MSRA: variants seen among roughly 807,000 people sequenced by gnomAD.
MSRA encodes mitochondrial peptide methionine sulfoxide reductase.
A neutral mutation model predicts 31.3 loss-of-function variants in MSRA; 54 were observed. The observed-to-expected ratio is 1.73, with a 90% CI of 1.39 to 2.17. The LOEUF (loss-of-function observed/expected upper bound fraction) is 2.17, where lower values mean the gene tolerates loss of function less well. Ranked by LOEUF, MSRA falls within the 30% of genes most tolerant of loss-of-function variation. The pLI is 0.00. For synonymous variants in MSRA, 169 were observed against 116.5 expected, an observed-to-expected ratio of 1.45 and a Z score of -2.90; for missense variants, 507 against 300.9, an observed-to-expected ratio of 1.69 and a Z score of -5.07.
chr8:10,207,815 C>A lies in MSRA; in HGVS notation c.143-18C>A. The A allele has an allele frequency of 7.7e-7, 1 of 1,301,682 alleles. No homozygotes were observed. 80.6% of individuals were successfully genotyped at this position (1,301,682 alleles called of 1,614,324 possible). A position where few individuals can be genotyped will look rare whatever the true frequency, so the allele number is the denominator to read the frequency against. Reference sequence around the variant, plus strand: ...GAACTTTACACTTAAACTTGCATTTCTTTTTTTTTTTTTCTAGCCAAACAT... The same window carrying A: ...GAACTTTACACTTAAACTTGCATTTATTTTTTTTTTTTTCTAGCCAAACAT... On this transcript the variant is annotated intron_variant, in intron 1 of 5. Transcript: ENST00000317173.
intron 1 of MSRA, among the ~76,000 whole-genome samples, chr8:10,124,875 A>C (rs1252433921): frequency 1.3e-5 from 2 of 152,352 alleles, no homozygotes; most frequent in East Asian, 3.9e-4. Context: ...TTAAAAATAA[A>C]GCTATTGGTT....
intron 2 of MSRA, among the ~76,000 whole-genome samples, chr8:10,209,452 G>A (rs937901943): frequency 2.0e-5 from 3 of 152,226 alleles, no homozygotes; most frequent in Non-Finnish European, 4.4e-5. Flanking sequence ...TACCAGATGG[G>A]CTGATGACAT....
At chr8:10,078,733 G>A (rs1798126595) in intron 1 of MSRA, among the ~76,000 whole-genome samples, 1 of 152,240 alleles carries the variant, frequency 6.6e-6, no homozygotes, top group Non-Finnish European at 1.5e-5. Flanking sequence ...CCCTTCCCAT[G>A]GCTTCAGTCT....
chr8:10,368,391 T>C (rs1202621741), intron 5 of MSRA, among the ~76,000 whole-genome samples: 1 of 152,252 alleles, frequency 6.6e-6, no homozygotes, highest in Non-Finnish European at 1.5e-5. Flanking sequence ...ATCATTTGAT[T>C]TGCTAAAAGA....
chr8:10,407,880 A>C (rs954162800), intron 5 of MSRA, among the ~76,000 whole-genome samples: 3 of 152,190 alleles, frequency 2.0e-5, no homozygotes, highest in African/African-American at 7.2e-5. Context: ...AAACCTGATA[A>C]AGTATCAATT....
intron 1 of MSRA, among the ~76,000 whole-genome samples, chr8:10,174,533 C>T (rs1008380131): frequency 1.3e-5 from 2 of 152,134 alleles, no homozygotes; most frequent in Non-Finnish European, 2.9e-5. Flanking sequence ...GCTCACCTCC[C>T]CTCTGTGAGC....
intron 5 of MSRA, among the ~76,000 whole-genome samples, chr8:10,376,497 G>A (rs1252363721): frequency 6.6e-6 from 1 of 152,196 alleles, no homozygotes; most frequent in Non-Finnish European, 1.5e-5. Context: ...CCTTGCCTCA[G>A]TTTCCCAATC....
chr8:10,350,646 C>T (rs980260538), intron 5 of MSRA, among the ~76,000 whole-genome samples: 2 of 152,350 alleles, frequency 1.3e-5, no homozygotes, highest in Admixed American at 1.3e-4. Flanking sequence ...TCAGCTTTGC[C>T]GGGCTTCAGG....
At chr8:10,171,973 G>C (rs1194642790) in intron 1 of MSRA, among the ~76,000 whole-genome samples, 1 of 152,192 alleles carries the variant, frequency 6.6e-6, no homozygotes, top group Non-Finnish European at 1.5e-5. Flanking sequence ...TGGAACCAGA[G>C]GAACTTAGGT....
chr8:10,114,288 C>A (rs550089086), intron 1 of MSRA, among the ~76,000 whole-genome samples: 86 of 152,250 alleles, frequency 5.6e-4, no homozygotes, highest in South Asian at 4.6e-3. Flanking sequence ...AATAATGTTG[C>A]TGTGAACATT....
At chr8:10,338,042 GA>G (rs1289507538) in intron 5 of MSRA, among the ~76,000 whole-genome samples, 4 of 152,082 alleles carry the variant, frequency 2.6e-5, no homozygotes, top group East Asian at 1.9e-4. Context: ...AGCAGCCAAA[GA>G]AAAAAATATC....
intron 5 of MSRA, among the ~76,000 whole-genome samples, chr8:10,321,827 A>G (rs1802059823): frequency 6.6e-6 from 1 of 152,182 alleles, no homozygotes; most frequent in Admixed American, 6.5e-5. Context: ...AAGCCTTCAG[A>G]TGAGACTGCA....
At position 10,405,756 on chromosome 8, in the gene MSRA, T is replaced by A. The variant is rs575870993; in HGVS notation, c.544-22392T>A. Among the ~76,000 whole-genome samples, 76 of 49,624 alleles carry A rather than the reference T, an allele frequency of 1.5e-3. 1 individual carries two copies. Among genetic ancestry groups the A allele is most frequent in the African/African-American group, 3.1e-3 (72 of 23,530 alleles). The allele number at this position is 49,624 out of a possible 152,430, so 32.6% of individuals were successfully genotyped here. Reference sequence around the variant, plus strand: ...ACACACGTGTGTTCACACACACCCATGTGCTCACACACACCTATGTGCTCA... The same window carrying A: ...ACACACGTGTGTTCACACACACCCAAGTGCTCACACACACCTATGTGCTCA... On this transcript the variant is annotated intron_variant, in intron 5 of 5. Coordinates refer to ENST00000317173, the MANE Select transcript of MSRA (RefSeq NM_012331.5).
rs145008944 is a variant in MSRA at position 10,290,294 on chromosome 8, C to A, written c.332-11240C>A. Among the ~76,000 whole-genome samples, 385 of 152,286 alleles carry A rather than the reference C, an allele frequency of 2.5e-3. 1 individual carries two copies. The highest frequency in any genetic ancestry group is 8.6e-3 in the African/African-American group (358 of 41,554). ...AGGCATGGATTTCTAGCAATTAGGA[C>A]ATCCCAATAGTGGCATGAACTACTT... On this transcript the variant is annotated intron_variant, in intron 3 of 5. Coordinates refer to ENST00000317173, the MANE Select transcript of MSRA (RefSeq NM_012331.5).
chr8:10,150,696 T>C (rs1459863376), intron 1 of MSRA, among the ~76,000 whole-genome samples: 9 of 152,188 alleles, frequency 5.9e-5, no homozygotes, highest in Non-Finnish European at 7.3e-5. Flanking sequence ...ATTTGACTTA[T>C]ATGAAAACAG....
chr8:10,093,490 CAT>C (rs898417532), intron 1 of MSRA, among the ~76,000 whole-genome samples: 16 of 152,132 alleles, frequency 1.1e-4, no homozygotes, highest in African/African-American at 3.6e-4. Context: ...CTTATTGTCA[CAT>C]GTTACCTCTT....
chr8:10,261,254 A>G (rs1798465779), intron 3 of MSRA, among the ~76,000 whole-genome samples: 1 of 152,142 alleles, frequency 6.6e-6, no homozygotes, highest in Admixed American at 6.5e-5. Context: ...TAGTATATAC[A>G]TTTGTGTTAA....
intron 5 of MSRA, among the ~76,000 whole-genome samples, chr8:10,417,417 A>AGACACACAC (rs1304544203): frequency 1.5e-4 from 2 of 13,074 alleles, no homozygotes; most frequent in Non-Finnish European, 3.5e-4. Context: ...CCTTCGTCAG[A>AGACACACAC]AGACACACAC....
At chr8:10,299,218 G>A (rs1406827383) in intron 3 of MSRA, among the ~76,000 whole-genome samples, 1 of 152,070 alleles carries the variant, frequency 6.6e-6, no homozygotes, top group Non-Finnish European at 1.5e-5. Context: ...AAATTGAGAA[G>A]AAATAGCCTG....
Sources: gnomAD v4.1 joint callset for allele counts (sites outside exome capture counted in the v4.1 genomes callset) on GRCh38, gnomAD v4.1.1 for gene constraint, MANE v1.5 for transcripts, NCBI Gene and HGNC (gene_info 2026-07-23, HGNC 2026-07-21) for gene names.